Variants in RNF150 observed in about 807,000 individuals in gnomAD.
RNF150 encodes ring finger protein 150.
In RNF150, 24 loss-of-function variants were observed where a neutral mutation model predicts 39.3. The observed-to-expected ratio is 0.61, with a 90% CI of 0.44 to 0.86. The LOEUF is 0.86. RNF150 is among the 40% of genes least tolerant of loss of function. The probability of loss-of-function intolerance (pLI) is 0.00; values close to 1 mark genes in which losing one functional copy is unlikely to be tolerated. For missense variants in RNF150, 502 were observed against 587.8 expected, an observed-to-expected ratio of 0.85 and a Z score of 1.51; for synonymous variants, 255 against 227.3, an observed-to-expected ratio of 1.12 and a Z score of -1.10.
intron 1 of RNF150, among the ~76,000 whole-genome samples, chr4:141,082,840 G>A (rs966867883): frequency 6.6e-6 from 1 of 152,040 alleles, no homozygotes; most frequent in African/African-American, 2.4e-5. Context: ...CGCCCGCCTC[G>A]GCCTCCCAAA....
At chr4:141,045,176 C>T (rs1047278617) in intron 1 of RNF150, among the ~76,000 whole-genome samples, 7 of 152,142 alleles carry the variant, frequency 4.6e-5, no homozygotes, top group African/African-American at 1.4e-4. Context: ...ATTGAAACTC[C>T]CAACATTAAT....
At chr4:140,967,927 G>A (rs1165174195) in intron 1 of RNF150, 54 bp from the exon 2 acceptor site, 3 of 1,511,674 alleles carry the variant, frequency 2.0e-6, no homozygotes, top group African/African-American at 2.8e-5. Flanking sequence ...AAGATATGGG[G>A]GATCCCAGTG....
chr4:141,109,165 A>T (rs1376370163), intron 1 of RNF150, among the ~76,000 whole-genome samples: 1 of 152,158 alleles, frequency 6.6e-6, no homozygotes, highest in East Asian at 1.9e-4. Context: ...ATTTACCCCC[A>T]GCCCAATTTT....
intron 1 of RNF150, among the ~76,000 whole-genome samples, chr4:141,108,223 C>T (rs995231800): frequency 6.6e-6 from 1 of 152,184 alleles, no homozygotes; most frequent in African/African-American, 2.4e-5. Flanking sequence ...CGGCATTCTT[C>T]CTAGTTCTCA....
chr4:141,078,876 CAT>C (rs1738035529), intron 1 of RNF150, among the ~76,000 whole-genome samples: 1 of 145,242 alleles, frequency 6.9e-6, no homozygotes, highest in Admixed American at 6.9e-5. Context: ...TATATACACA[CAT>C]ATATACACAT....
At chr4:140,986,869 A>C (rs1428267271) in intron 1 of RNF150, among the ~76,000 whole-genome samples, 6 of 152,112 alleles carry the variant, frequency 3.9e-5, no homozygotes, top group African/African-American at 1.4e-4. Flanking sequence ...ATACCTAGAA[A>C]ACCCTAAAGA....
In RNF150 at chr4:140,916,456, C is replaced by T. The variant is rs199520197; in HGVS notation, c.988-5102G>A. Among the ~76,000 whole-genome samples the T allele has an allele frequency of 1.1e-4, 17 of 151,114 alleles. No homozygotes were observed. In the East Asian group the frequency reaches 1.4e-3, roughly 12 times the overall value. On this transcript the variant is annotated intron_variant, in intron 5 of 6. Transcript: ENST00000515673. ...AAGAAAGGGTATCAGCGATGGAAGA[C>T]GAAATGAATGAAATGAAGCATGAAG...
intron 1 of RNF150, among the ~76,000 whole-genome samples, chr4:141,078,422 T>C (rs946472966): frequency 4.6e-5 from 7 of 152,144 alleles, no homozygotes; most frequent in African/African-American, 7.2e-5. Flanking sequence ...TTTCACTGTA[T>C]CCCATGTTAA....
chr4:141,155,653 G>A (rs891036713), intron 1 of RNF150, among the ~76,000 whole-genome samples: 12 of 152,096 alleles, frequency 7.9e-5, no homozygotes, highest in Non-Finnish European at 1.8e-4. Context: ...TTCACTTTGG[G>A]GTGGAGACAA....
At chr4:140,906,803 G>A (rs1473876766) in intron 6 of RNF150, among the ~76,000 whole-genome samples, 1 of 152,078 alleles carries the variant, frequency 6.6e-6, no homozygotes, top group East Asian at 1.9e-4. Context: ...CCCTCCATGG[G>A]CCAAGAGTTG....
At chr4:141,060,654 G>C (rs984674661) in intron 1 of RNF150, among the ~76,000 whole-genome samples, 2 of 152,024 alleles carry the variant, frequency 1.3e-5, no homozygotes, top group Non-Finnish European at 2.9e-5. Flanking sequence ...ATTATAAAAA[G>C]ATATGAAAAA....
intron 1 of RNF150, among the ~76,000 whole-genome samples, chr4:141,112,441 C>T (rs1017716798): frequency 7.2e-5 from 11 of 152,168 alleles, no homozygotes; most frequent in Admixed American, 7.2e-4. Context: ...AATCTCTCAG[C>T]ATTTGCTTGT....
At chr4:141,015,203 G>A (rs1735225753) in intron 1 of RNF150, among the ~76,000 whole-genome samples, 1 of 152,076 alleles carries the variant, frequency 6.6e-6, no homozygotes, top group Non-Finnish European at 1.5e-5. Context: ...CTAGTATCGT[G>A]CAGTTTGATT....
At chr4:141,074,705 G>A (rs780961739) in intron 1 of RNF150, among the ~76,000 whole-genome samples, 10 of 152,146 alleles carry the variant, frequency 6.6e-5, no homozygotes, top group Non-Finnish European at 1.5e-4. Context: ...CTACCACTAT[G>A]TTGCATCAGT....
rs70946725 is a variant in RNF150, at chr4:141,003,566, T to TACACAC, written c.485-35699_485-35694dup. On this transcript the variant is annotated intron_variant, in intron 1 of 6. Coordinates refer to ENST00000515673, the MANE Select transcript of RNF150 (RefSeq NM_020724.2). ...CAACATTCACCCAATCCCTAGCACG[T>TACACAC]ACACACACACACACACACACACACA... 8.8e-3 allele frequency among the ~76,000 whole-genome samples: 1,251 copies of TACACAC among 142,532 alleles called. 11 individuals carry two copies. The highest frequency in any genetic ancestry group is 0.021 in the African/African-American group (788 of 37,420). 93.5% of individuals were successfully genotyped at this position (142,532 alleles called of 152,430 possible). A position where few individuals can be genotyped will look rare whatever the true frequency, so the allele number is the denominator to read the frequency against.
rs549170631 is a variant in RNF150 at position 140,927,998 on chromosome 4, C to A, written c.891-1925G>T. ...CCCAGTCTCAGGTATTTCTTTATAG[C>A]AGTGTGAGAACAGACTAATACATAC... On this transcript the variant is annotated intron_variant, in intron 4 of 6. Coordinates refer to ENST00000515673, the MANE Select transcript of RNF150 (RefSeq NM_020724.2). 2.0e-5 allele frequency among the ~76,000 whole-genome samples: 3 copies of A among 152,004 alleles called. No homozygotes were observed. The East Asian group carries it at 5.8e-4, about 29-fold the overall frequency.
At chr4:141,186,765 G>T (rs189907239) in intron 1 of RNF150, among the ~76,000 whole-genome samples, 2 of 152,106 alleles carry the variant, frequency 1.3e-5, no homozygotes, top group Non-Finnish European at 2.9e-5. Context: ...AGTCTGGCTA[G>T]TGGTCCACCT....
Position 141,192,463 on chromosome 4 carries a change from A to G in RNF150, c.-6+20331T>C, listed in dbSNP as rs140852445. ...ATTATACAAATAAATATATAATGCTAATTTGTGGTGTTTTGAAGGAAAACA... is the reference window on the plus strand; with the variant it reads ...ATTATACAAATAAATATATAATGCTGATTTGTGGTGTTTTGAAGGAAAACA... On this transcript the variant is annotated intron_variant, in intron 1 of 7. Coordinates refer to the RNF150 transcript ENST00000420921. Among the ~76,000 whole-genome samples the G allele has an allele frequency of 2.3e-3, 350 of 152,234 alleles. 5 individuals are homozygous for G. The highest frequency in any genetic ancestry group is 8.0e-3 in the African/African-American group (333 of 41,526).
At chr4:141,175,530 T>G (rs997121580) in intron 1 of RNF150, among the ~76,000 whole-genome samples, 3 of 152,176 alleles carry the variant, frequency 2.0e-5, no homozygotes, top group African/African-American at 4.8e-5. Flanking sequence ...TTCTACATTG[T>G]TTCTAAAATC....
Sources: allele counts gnomAD v4.1 joint callset (sites outside exome capture counted in the v4.1 genomes callset), GRCh38; gene constraint gnomAD v4.1.1; transcripts MANE v1.5; gene names NCBI Gene and HGNC (gene_info 2026-07-23, HGNC 2026-07-21).